PCDH19: variants seen among roughly 807,000 people sequenced by gnomAD.
The protein encoded by PCDH19 is protocadherin-19.
In PCDH19, 6 loss-of-function variants were observed where a neutral mutation model predicts 46.2. The observed-to-expected ratio is 0.13, with a 90% CI of 0.07 to 0.26. PCDH19 has a LOEUF of 0.26. Among genes scored for constraint, PCDH19 ranks in the 10% least tolerant of loss-of-function variants. PCDH19 has a pLI of 1.00. For synonymous variants in PCDH19, 481 were observed against 415.7 expected, an observed-to-expected ratio of 1.16 and a Z score of -1.91; for missense variants, 740 against 972.3, an observed-to-expected ratio of 0.76 and a Z score of 3.18.
intron 3 of PCDH19, among the ~76,000 whole-genome samples, chrX:100,390,694 TCTAC>T (rs1262132390): frequency 9.0e-6 from 1 of 111,647 alleles, no homozygotes. Flanking sequence ...TAAAAGAAAA[TCTAC>T]CACATTTTTG....
rs571620279 is a variant in PCDH19 at position 100,320,133 on chromosome X, G to T, written c.2848+21770C>A. ...GGATTATTACAGCCCAAAGCCCCAG[G>T]AGTAAGAGTCAGATTTCCCACCTTG... is the stretch of plus-strand genomic sequence containing the variant. On this transcript the variant is annotated intron_variant, in intron 5 of 5. Transcript: ENST00000373034. Among the ~76,000 whole-genome samples the T allele has an allele frequency of 3.6e-5, 4 of 111,755 alleles. No homozygotes were observed. In the South Asian group the frequency reaches 1.5e-3, roughly 43 times the overall value.
At chrX:100,343,538 A>C (rs941167518) in intron 4 of PCDH19, among the ~76,000 whole-genome samples, 2 of 111,934 alleles carry the variant, frequency 1.8e-5, no homozygotes, top group South Asian at 3.8e-4. Flanking sequence ...CAATCCAAGA[A>C]CTTCACACCA....
chrX:100,356,284 C>T (rs1056286504), intron 3 of PCDH19, among the ~76,000 whole-genome samples: 3 of 111,479 alleles, frequency 2.7e-5, no homozygotes, highest in Admixed American at 9.5e-5. Context: ...ACTGGAATCC[C>T]GTATCAGATA....
At chrX:100,322,859 A>ATTTTTTTTTT (rs1400588865) in intron 5 of PCDH19, among the ~76,000 whole-genome samples, 1 of 43,692 alleles carries the variant, frequency 2.3e-5, no homozygotes, top group African/African-American at 1.4e-4. Flanking sequence ...ATATATATAT[A>ATTTTTTTTTT]TATATATTTT....
intron 3 of PCDH19, among the ~76,000 whole-genome samples, chrX:100,371,788 C>G (rs35199601): frequency 0.29 from 31,275 of 107,883 alleles, 3,683 homozygotes; most frequent in Non-Finnish European, 0.35. Flanking sequence ...CTGAAAACAG[C>G]TCCTGGCACA....
chrX:100,310,368 T>C (rs1226178157), intron 5 of PCDH19, among the ~76,000 whole-genome samples: 1 of 110,502 alleles, frequency 9.0e-6, no homozygotes, highest in Admixed American at 9.7e-5. Flanking sequence ...AGCAAGGAAA[T>C]CAAGCAAAAG....
At chrX:100,403,739 A>T in intron 1 of PCDH19, 75 bp from the exon 2 acceptor site, 2 of 941,900 alleles carry the variant, frequency 2.1e-6, no homozygotes, top group Non-Finnish European at 2.9e-6. Flanking sequence ...GCTGTGCTGC[A>T]ACTGGAACAT....
At chrX:100,319,716 C>A (rs977486140) in intron 5 of PCDH19, among the ~76,000 whole-genome samples, 1 of 112,029 alleles carries the variant, frequency 8.9e-6, no homozygotes, top group African/African-American at 3.2e-5. Flanking sequence ...TTGGTAGTTC[C>A]ATCACACAGG....
At chrX:100,378,557 C>A (rs1450969169) in intron 3 of PCDH19, among the ~76,000 whole-genome samples, 1 of 112,260 alleles carries the variant, frequency 8.9e-6, no homozygotes, top group Non-Finnish European at 1.9e-5. Context: ...CTTGCCTGTT[C>A]TTCATGTGTA....
chrX:100,300,769 C>T (rs1052704585), intron 5 of PCDH19, among the ~76,000 whole-genome samples: 1 of 108,829 alleles, frequency 9.2e-6, no homozygotes, highest in African/African-American at 3.3e-5. Flanking sequence ...CAGAGAACTC[C>T]TTAGTTCAAA....
rs1443825517 is a variant in PCDH19 at position 100,294,151 on chromosome X, T to C, written c.*2126A>G. ...AAAAATTTTTAATGTGTTAATCAAA[T>C]AGTCACTTGCAAAGAGAAATAAATA... is the stretch of plus-strand genomic sequence containing the variant. On this transcript the variant is annotated 3_prime_UTR_variant, in exon 6 of 6. Transcript: ENST00000373034. 8.9e-6 allele frequency: 1 copy of C among 112,035 alleles called. No homozygotes were observed. Among genetic ancestry groups the C allele is most frequent in the Non-Finnish European group, 1.9e-5 (1 of 53,187 alleles). The allele number at this position is 112,035 out of a possible 1,213,427, so 9.2% of individuals were successfully genotyped here. A position where few individuals can be genotyped will look rare whatever the true frequency, so the allele number is the denominator to read the frequency against.
At chrX:100,357,000 C>T (rs1926737948) in intron 3 of PCDH19, among the ~76,000 whole-genome samples, 1 of 111,374 alleles carries the variant, frequency 9.0e-6, no homozygotes, top group African/African-American at 3.3e-5. Flanking sequence ...CAATTCTAGG[C>T]TTCTAAAACA....
chrX:100,302,365 A>G (rs1393179315), intron 5 of PCDH19, among the ~76,000 whole-genome samples: 1 of 111,935 alleles, frequency 8.9e-6, no homozygotes, highest in Non-Finnish European at 1.9e-5. Flanking sequence ...TCACTTCCCC[A>G]GGGAGTCCTT....
intron 5 of PCDH19, among the ~76,000 whole-genome samples, chrX:100,334,550 T>TG (rs1926023280): frequency 9.0e-6 from 1 of 111,153 alleles, no homozygotes; most frequent in African/African-American, 3.3e-5. Context: ...TCATCAAAAA[T>TG]GGTTATGCAA....
At chrX:100,339,601 G>C (rs1359612941) in intron 5 of PCDH19, among the ~76,000 whole-genome samples, 1 of 112,423 alleles carries the variant, frequency 8.9e-6, no homozygotes, top group Non-Finnish European at 1.9e-5. Context: ...TGAGGTTGCA[G>C]TATCAGTCCA....
chrX:100,325,154 TAGATAGATAGATAGAC>T (rs775816108), intron 5 of PCDH19, among the ~76,000 whole-genome samples: 3,761 of 95,265 alleles, frequency 0.039, 75 homozygotes, highest in African/African-American at 0.064. Context: ...GATAGATAGA[TAGATAGATAGATAGAC>T]AGATAGACAC....
intron 1 of PCDH19, among the ~76,000 whole-genome samples, chrX:100,405,369 G>GA (rs778294016): frequency 9.0e-6 from 1 of 111,504 alleles, no homozygotes; most frequent in Non-Finnish European, 1.9e-5. Context: ...GACACTGCTG[G>GA]AAAAAAAATG....
At chrX:100,322,858 TA>T (rs1263397380) in intron 5 of PCDH19, among the ~76,000 whole-genome samples, 1,333 of 64,943 alleles carry the variant, frequency 0.021, 127 homozygotes, top group African/African-American at 0.09. Context: ...TATATATATA[TA>T]TATATATTTT....
chrX:100,362,517 G>A (rs770545852), intron 3 of PCDH19, among the ~76,000 whole-genome samples: 7 of 110,718 alleles, frequency 6.3e-5, no homozygotes, highest in South Asian at 3.9e-4. Context: ...CTCTGGGCCC[G>A]GTGCAGTGGC....
Sources: allele counts gnomAD v4.1 joint callset (sites outside exome capture counted in the v4.1 genomes callset), GRCh38; gene constraint gnomAD v4.1.1; transcripts MANE v1.5; gene names NCBI Gene and HGNC (gene_info 2026-07-23, HGNC 2026-07-21).